The following CCDC112 variants were observed in gnomAD, a reference collection of about 807,000 sequenced individuals.
CCDC112 encodes the protein coiled-coil domain-containing protein 112.
In CCDC112, 40 loss-of-function variants were observed where a neutral mutation model predicts 66.3. The ratio of observed to expected loss-of-function variants is 0.60; its 90% CI spans 0.47 to 0.79. CCDC112 has a LOEUF of 0.79. Among genes scored for constraint, CCDC112 ranks in the 30% least tolerant of loss-of-function variants. CCDC112 has a pLI of 0.00. For missense variants in CCDC112, 659 were observed against 603.8 expected (o/e 1.09, Z -0.96); for synonymous variants, 214 against 197.2 (o/e 1.09, Z -0.71).
intron 1 of CCDC112, among the ~76,000 whole-genome samples, chr5:115,291,701 T>C (rs1749939279): frequency 6.6e-6 from 1 of 152,228 alleles, no homozygotes; most frequent in African/African-American, 2.4e-5. Context: ...AGGGCAATTA[T>C]GCTAAGTTAT....
intron 1 of CCDC112, among the ~76,000 whole-genome samples, chr5:115,285,299 A>G (rs1749629754): frequency 6.6e-6 from 1 of 152,200 alleles, no homozygotes; most frequent in African/African-American, 2.4e-5. Flanking sequence ...ATTTAAAGAG[A>G]TAAGAGTAAA....
At position 115,267,493 on chromosome 5, in the gene CCDC112, A is replaced by G. The variant is rs1748784088; in HGVS notation, c.*383T>C. On this transcript the variant is annotated 3_prime_UTR_variant, in exon 10 of 10. Coordinates refer to ENST00000379611, the MANE Select transcript of CCDC112 (RefSeq NM_001040440.3). ...ACCTTTTTGTTACTCAAGCTAACTT[A>G]ACTCCAAGTTATAAAAGTTACAAAA... is the stretch of plus-strand genomic sequence containing the variant. 1 of 163,438 alleles carries G rather than the reference A, an allele frequency of 6.1e-6. No homozygotes were observed. Among genetic ancestry groups the G allele is most frequent in the Non-Finnish European group, 1.3e-5 (1 of 76,066 alleles). 10.1% of individuals were successfully genotyped at this position (163,438 alleles called of 1,614,324 possible). A position where few individuals can be genotyped will look rare whatever the true frequency, so the allele number is the denominator to read the frequency against.
intron 7 of CCDC112, among the ~76,000 whole-genome samples, chr5:115,270,145 C>A (rs1748938001): frequency 6.6e-6 from 1 of 151,280 alleles, no homozygotes; most frequent in African/African-American, 2.4e-5. Context: ...TTATTTTTTT[C>A]TTTTATTATG....
At chr5:115,284,930 C>A in intron 1 of CCDC112, 22 bp from the exon 2 acceptor site, 1 of 1,587,798 alleles carries the variant, frequency 6.3e-7, no homozygotes. Flanking sequence ...ACAAGAAAAA[C>A]TTAACAGTAA....
intron 1 of CCDC112, chr5:115,296,098 G>T: frequency 9.5e-7 from 1 of 1,051,406 alleles, no homozygotes; most frequent in Non-Finnish European, 1.1e-6. Context: ...CATAACGTTA[G>T]TCCAAAGCTC....
intron 2 of CCDC112, among the ~76,000 whole-genome samples, chr5:115,283,623 A>T (rs2127066388): frequency 6.6e-6 from 1 of 152,274 alleles, no homozygotes; most frequent in South Asian, 2.1e-4. Context: ...TACCTCAATA[A>T]AAGTGGGGGA....
chr5:115,285,493 T>G (rs933995256), intron 1 of CCDC112, among the ~76,000 whole-genome samples: 11 of 152,194 alleles, frequency 7.2e-5, no homozygotes, highest in Non-Finnish European at 1.6e-4. Flanking sequence ...AAGTGTGTTC[T>G]AAGCAAAGGG....
Position 115,275,620 on chromosome 5 carries a change from A to C in CCDC112, c.528-14T>G. On this transcript the variant is annotated splice_polypyrimidine_tract_variant and intron_variant, in intron 5 of 9. Coordinates refer to ENST00000379611, the MANE Select transcript of CCDC112 (RefSeq NM_001040440.3). Reference sequence around the variant, plus strand: ...AGCTCTTCATATCTAAAATTTTAAAAATAAAGTTTGAATAAGAAGACAATC... The same window carrying C: ...AGCTCTTCATATCTAAAATTTTAAACATAAAGTTTGAATAAGAAGACAATC... 1 of 1,509,442 alleles carries C rather than the reference A, an allele frequency of 6.6e-7. No homozygotes were observed. The highest frequency in any genetic ancestry group is 1.4e-5 in the African/African-American group (1 of 70,858). 93.5% of individuals were successfully genotyped at this position (1,509,442 alleles called of 1,614,324 possible). A position where few individuals can be genotyped will look rare whatever the true frequency, so the allele number is the denominator to read the frequency against.
chr5:115,281,225 T>C (rs1047809994), intron 2 of CCDC112, among the ~76,000 whole-genome samples: 1 of 152,130 alleles, frequency 6.6e-6, no homozygotes, highest in Non-Finnish European at 1.5e-5. Flanking sequence ...AATTTCGCCA[T>C]GTTGGCCAGG....
At chr5:115,274,050 G>A (rs922049075) in intron 6 of CCDC112, among the ~76,000 whole-genome samples, 5 of 151,938 alleles carry the variant, frequency 3.3e-5, no homozygotes, top group East Asian at 1.9e-4. Flanking sequence ...TACCATCTAT[G>A]GAATAAACAC....
intron 9 of CCDC112, among the ~76,000 whole-genome samples, chr5:115,268,566 C>T (rs965407593): frequency 5.3e-5 from 8 of 151,020 alleles, no homozygotes; most frequent in African/African-American, 9.7e-5. Context: ...CCACTGCACC[C>T]GACCTACTTT....
intron 1 of CCDC112, among the ~76,000 whole-genome samples, chr5:115,285,687 A>C (rs1749646776): frequency 6.6e-6 from 1 of 152,170 alleles, no homozygotes. Context: ...TTTATTGAAG[A>C]GTTTTGAGCA....
intron 1 of CCDC112, chr5:115,289,403 C>G (rs1398117787): frequency 6.5e-6 from 1 of 152,698 alleles, no homozygotes; most frequent in Non-Finnish European, 1.5e-5. Context: ...CTCTGTGGAG[C>G]TGGGCTACCT....
intron 1 of CCDC112, among the ~76,000 whole-genome samples, chr5:115,292,577 T>C (rs765019373): frequency 1.3e-5 from 2 of 152,244 alleles, no homozygotes; most frequent in Non-Finnish European, 2.9e-5. Context: ...TGTTAAAGAC[T>C]GGACATATAA....
chr5:115,295,311 G>A (rs1274817569), intron 1 of CCDC112, among the ~76,000 whole-genome samples: 3 of 152,170 alleles, frequency 2.0e-5, no homozygotes, highest in Middle Eastern at 3.2e-3. Flanking sequence ...AGAAATGATG[G>A]AGAAAGCCAG....
intron 4 of CCDC112, 104 bp downstream of exon 4, chr5:115,276,861 T>C (rs1749228061): frequency 6.1e-6 from 4 of 658,270 alleles, no homozygotes; most frequent in African/African-American, 1.8e-5. Flanking sequence ...TTTAGCTCCA[T>C]TAATAAACTT....
intron 1 of CCDC112, among the ~76,000 whole-genome samples, chr5:115,286,166 C>G (rs1396977104): frequency 6.6e-6 from 1 of 152,020 alleles, no homozygotes; most frequent in Non-Finnish European, 1.5e-5. Flanking sequence ...TTCATCATAC[C>G]AAAAAGAAAC....
intron 8 of CCDC112, among the ~76,000 whole-genome samples, chr5:115,269,408 G>A (rs1435441604): frequency 6.6e-6 from 1 of 152,102 alleles, no homozygotes; most frequent in Non-Finnish European, 1.5e-5. Flanking sequence ...AATGCTCATA[G>A]CTGCCATTGA....
chr5:115,277,599 T>C (rs1313117045), intron 3 of CCDC112, among the ~76,000 whole-genome samples: 1 of 152,102 alleles, frequency 6.6e-6, no homozygotes, highest in Non-Finnish European at 1.5e-5. Context: ...GTGCCTCAGG[T>C]ATCATTCAGT....
Sources: gnomAD v4.1 joint callset for allele counts (sites outside exome capture counted in the v4.1 genomes callset) on GRCh38, gnomAD v4.1.1 for gene constraint, MANE v1.5 for transcripts, NCBI Gene and HGNC (gene_info 2026-07-23, HGNC 2026-07-21) for gene names.